The following MRAP2 variants were observed in gnomAD, a reference collection of about 807,000 sequenced individuals.
MRAP2 encodes the protein melanocortin 2 receptor accessory protein 2, also known as melanocortin-2 receptor accessory protein 2.
A neutral mutation model predicts 17.4 loss-of-function variants in MRAP2; 20 were observed. That is an observed-to-expected ratio of 1.15 (90% CI 0.81 to 1.67). The LOEUF (loss-of-function observed/expected upper bound fraction) is 1.67. Among genes scored for constraint, MRAP2 ranks in the 40% most tolerant of loss-of-function variants. The pLI is 0.00. For missense variants in MRAP2, 238 were observed against 240.0 expected (o/e 0.99, Z 0.05); for synonymous variants, 96 against 88.4 (o/e 1.09, Z -0.48).
In MRAP2 at chr6:84,090,778, C is replaced by G. The variant is rs539600827; in HGVS notation, c.*1297C>G. On this transcript the variant is annotated 3_prime_UTR_variant, in exon 4 of 4. Transcript: ENST00000257776. Reference sequence around the variant, plus strand: ...TTAAAACAACTTGATTTTGCGCACACAGTTGCATGCATGGCAAGCTGTTAA... The same window carrying G: ...TTAAAACAACTTGATTTTGCGCACAGAGTTGCATGCATGGCAAGCTGTTAA... The G allele has an allele frequency of 6.6e-6, 1 of 152,304 alleles. No homozygotes were observed. The highest frequency in any genetic ancestry group is 2.4e-5 in the African/African-American group (1 of 41,566). 9.4% of individuals were successfully genotyped at this position (152,304 alleles called of 1,614,324 possible). A position where few individuals can be genotyped will look rare whatever the true frequency, so the allele number is the denominator to read the frequency against.
chr6:84,040,831 A>G (rs916797270), intron 1 of MRAP2, among the ~76,000 whole-genome samples: 10 of 152,202 alleles, frequency 6.6e-5, no homozygotes, highest in African/African-American at 2.4e-4. Context: ...GACAGAGCAT[A>G]AAAGTTTTGG....
intron 3 of MRAP2, chr6:84,063,239 TTAA>T (rs1344159074): frequency 1.0e-6 from 1 of 985,306 alleles, no homozygotes. Context: ...TCCTACAGTC[TTAA>T]TGATGATGTG....
At chr6:84,133,837 C>A in the MRAP2 span, among the ~76,000 whole-genome samples, 1 of 152,160 alleles carries the variant, frequency 6.6e-6, no homozygotes, top group African/African-American at 2.4e-5. Context: ...CCCTGCCCTG[C>A]TTCGGCTCAC....
chr6:84,037,249 A>T lies in MRAP2; in HGVS notation c.-8+3366A>T, dbSNP rs948582863. On this transcript the variant is annotated intron_variant, in intron 1 of 3. Transcript: ENST00000257776. ...TGTTTACAATCCTTTAGCTAGACAT[A>T]AAAGTTCTCCAAGTCCCCACCAGAT... is the stretch of plus-strand genomic sequence containing the variant. Among the ~76,000 whole-genome samples, 24 of 151,396 alleles carry T rather than the reference A, an allele frequency of 1.6e-4. 1 individual carries two copies. The highest frequency in any genetic ancestry group is 1.3e-3 in the Admixed American group (20 of 15,202).
At chr6:84,097,862 C>T in the MRAP2 span, among the ~76,000 whole-genome samples, 4 of 152,136 alleles carry the variant, frequency 2.6e-5, no homozygotes, top group East Asian at 3.8e-4. Flanking sequence ...AGATGTATTC[C>T]TCTTTCCTCT....
chr6:84,100,747 AT>A, the MRAP2 span, among the ~76,000 whole-genome samples: 1 of 152,130 alleles, frequency 6.6e-6, no homozygotes, highest in South Asian at 2.1e-4. Context: ...ATATATTCAC[AT>A]TTGGCTATAT....
At chr6:84,047,321 G>A (rs1440291708) in intron 1 of MRAP2, among the ~76,000 whole-genome samples, 1 of 151,874 alleles carries the variant, frequency 6.6e-6, no homozygotes, top group Non-Finnish European at 1.5e-5. Context: ...CTTTCAAGTA[G>A]CTAGGATTAC....
Position 84,062,912 on chromosome 6 carries a change from T to C in MRAP2, c.147T>C (p.Phe49=). 1 of 1,614,214 alleles carries C rather than the reference T, an allele frequency of 6.2e-7. No homozygotes were observed. Among genetic ancestry groups the C allele is most frequent in the Non-Finnish European group, 8.5e-7 (1 of 1,180,032 alleles). The part of the protein sequence containing the change: ...KAHKYSIVIG[F]WVGLAVFVIF... ...TTTCAGATTCCATTGTGATTGGATTTTGGGTTGGTCTTGCAGTCTTCGTGA... is the reference window on the plus strand; with the variant it reads ...TTTCAGATTCCATTGTGATTGGATTCTGGGTTGGTCTTGCAGTCTTCGTGA... The change falls in exon 3 of 4, where the codon TTT becomes TTC. Residue 49 remains phenylalanine (F), a synonymous_variant. Coordinates refer to ENST00000257776, the MANE Select transcript of MRAP2 (RefSeq NM_138409.4).
At chr6:84,096,939 C>T in the MRAP2 span, among the ~76,000 whole-genome samples, 1 of 152,164 alleles carries the variant, frequency 6.6e-6, no homozygotes, top group Non-Finnish European at 1.5e-5. Context: ...GCATGCATTA[C>T]AAACAATAAC....
At chr6:84,080,978 C>T (rs959053416) in intron 3 of MRAP2, among the ~76,000 whole-genome samples, 2 of 152,226 alleles carry the variant, frequency 1.3e-5, no homozygotes, top group Non-Finnish European at 2.9e-5. Flanking sequence ...AGCAATAGCA[C>T]ATATATTTAT....
chr6:84,089,921 A>C lies in MRAP2; in HGVS notation c.*440A>C, dbSNP rs2099501446. On this transcript the variant is annotated 3_prime_UTR_variant, in exon 4 of 4. Transcript: ENST00000257776. Reference sequence around the variant, plus strand: ...TTCCAGTGTGGCACAGGGAAGCTAAAAGATTGGACACCTCTGATTTATACT... The same window carrying C: ...TTCCAGTGTGGCACAGGGAAGCTAACAGATTGGACACCTCTGATTTATACT... The C allele has an allele frequency of 6.2e-6, 1 of 160,344 alleles. No homozygotes were observed. Among genetic ancestry groups the C allele is most frequent in the Non-Finnish European group, 1.4e-5 (1 of 73,334 alleles). 9.9% of individuals were successfully genotyped at this position (160,344 alleles called of 1,614,324 possible).
intron 2 of MRAP2, among the ~76,000 whole-genome samples, chr6:84,055,662 A>C (rs1234077363): frequency 1.3e-5 from 2 of 152,212 alleles, no homozygotes; most frequent in Non-Finnish European, 2.9e-5. Context: ...AAAGACTAAA[A>C]AATTCCCATA....
At chr6:84,137,013 T>A in the MRAP2 span, among the ~76,000 whole-genome samples, 5 of 152,230 alleles carry the variant, frequency 3.3e-5, no homozygotes, top group South Asian at 4.1e-4. Context: ...CATGTTGTTG[T>A]GGGAGCCACC....
the MRAP2 span, among the ~76,000 whole-genome samples, chr6:84,138,660 A>G: frequency 6.6e-6 from 1 of 152,170 alleles, no homozygotes; most frequent in African/African-American, 2.4e-5. Context: ...TTCTATTTTC[A>G]AGTATTTTAG....
At chr6:84,145,711 A>ATAAT in the MRAP2 span, among the ~76,000 whole-genome samples, 1 of 152,120 alleles carries the variant, frequency 6.6e-6, no homozygotes, top group Non-Finnish European at 1.5e-5. Context: ...TGAAATCTTA[A>ATAAT]TAAGCTGAAG....
At chr6:84,145,238 G>A in the MRAP2 span, among the ~76,000 whole-genome samples, 1 of 152,050 alleles carries the variant, frequency 6.6e-6, no homozygotes, top group Non-Finnish European at 1.5e-5. Flanking sequence ...AATTTACCTG[G>A]ATCTATTGGT....
intron 3 of MRAP2, among the ~76,000 whole-genome samples, chr6:84,065,336 T>C (rs2099494409): frequency 6.6e-6 from 1 of 152,162 alleles, no homozygotes; most frequent in African/African-American, 2.4e-5. Flanking sequence ...GAAAATATCA[T>C]TTTTATTGAA....
intron 3 of MRAP2, among the ~76,000 whole-genome samples, chr6:84,081,873 CCT>C (rs2099499101): frequency 1.3e-5 from 2 of 152,112 alleles, no homozygotes; most frequent in Non-Finnish European, 2.9e-5. Context: ...GTGGGTTCCC[CCT>C]GTCTTGCTGC....
chr6:84,116,342 A>T, the MRAP2 span, among the ~76,000 whole-genome samples: 1 of 152,154 alleles, frequency 6.6e-6, no homozygotes, highest in Non-Finnish European at 1.5e-5. Context: ...AGTAAGTCTC[A>T]TGAGATCTGA....
Sources: allele counts gnomAD v4.1 joint callset (sites outside exome capture counted in the v4.1 genomes callset), GRCh38; gene constraint gnomAD v4.1.1; transcripts MANE v1.5; gene names NCBI Gene and HGNC (gene_info 2026-07-23, HGNC 2026-07-21).